Variants in ELAVL4 observed in about 807,000 individuals in gnomAD.
ELAVL4 encodes the protein ELAV-like protein 4.
Under a neutral mutation model 35.6 loss-of-function variants are expected in ELAVL4, and 1 was observed. The observed-to-expected ratio is 0.03, with a 90% CI of 0.01 to 0.13. ELAVL4 has a LOEUF of 0.13. Ranked by LOEUF, ELAVL4 falls within the 10% of genes least tolerant of loss-of-function variation. The pLI is 1.00. For synonymous variants in ELAVL4, 156 were observed against 171.0 expected (o/e 0.91, Z 0.69); for missense variants, 267 against 464.9 (o/e 0.57, Z 3.91).
exon 1 of ELAVL4, chr1:50,048,166 T>C (rs1310962728): frequency 1.3e-6 from 2 of 1,522,404 alleles, no homozygotes; most frequent in Non-Finnish European, 1.8e-6. Flanking sequence ...GCGGGGAAGA[T>C]GCGCCTCAAG....
chr1:50,148,562 G>T (rs993530409), intron 2 of ELAVL4, among the ~76,000 whole-genome samples: 1 of 152,110 alleles, frequency 6.6e-6, no homozygotes. Flanking sequence ...TTCCAATTGG[G>T]AAAGGACACT....
intron 1 of ELAVL4, among the ~76,000 whole-genome samples, chr1:50,119,086 AAGAAAG>A (rs1274828557): frequency 4.6e-5 from 6 of 129,076 alleles, no homozygotes; most frequent in Admixed American, 2.3e-4. Context: ...GAAAGAAAGA[AAGAAAG>A]AAAAAGAAAA....
chr1:50,097,464 G>A (rs1277886599), intron 1 of ELAVL4, among the ~76,000 whole-genome samples: 2 of 152,142 alleles, frequency 1.3e-5, no homozygotes, highest in Non-Finnish European at 2.9e-5. Flanking sequence ...AGAGACTTCA[G>A]GAATCATCTA....
intron 1 of ELAVL4, among the ~76,000 whole-genome samples, chr1:50,049,150 TG>T (rs1291590653): frequency 6.6e-6 from 1 of 152,214 alleles, no homozygotes; most frequent in Non-Finnish European, 1.5e-5. Context: ...ATCTTCCCAC[TG>T]GGGACTTAAA....
At chr1:50,165,752 A>ATG (rs1677742889) in intron 2 of ELAVL4, among the ~76,000 whole-genome samples, 1 of 31,100 alleles carries the variant, frequency 3.2e-5, no homozygotes, top group South Asian at 9.6e-4. Flanking sequence ...ATATACATAT[A>ATG]TGTGTATATG....
intron 1 of ELAVL4, among the ~76,000 whole-genome samples, chr1:50,068,482 G>A (rs1472993700): frequency 6.6e-6 from 1 of 152,148 alleles, no homozygotes; most frequent in African/African-American, 2.4e-5. Context: ...AGGGCTTCTG[G>A]CACACTGTTG....
intron 1 of ELAVL4, among the ~76,000 whole-genome samples, chr1:50,114,351 G>T (rs1291860434): frequency 6.6e-6 from 1 of 151,960 alleles, no homozygotes; most frequent in Non-Finnish European, 1.5e-5. Flanking sequence ...GCTTTGCTTT[G>T]TAAGTTGGTG....
intron 3 of ELAVL4, among the ~76,000 whole-genome samples, chr1:50,188,366 G>C (rs1055738497): frequency 2.6e-5 from 4 of 152,094 alleles, no homozygotes; most frequent in Non-Finnish European, 4.4e-5. Context: ...TTGCAGTTTT[G>C]TGAACAGAAT....
At chr1:50,127,336 A>C (rs1670109851) in intron 1 of ELAVL4, among the ~76,000 whole-genome samples, 1 of 152,162 alleles carries the variant, frequency 6.6e-6, no homozygotes, top group East Asian at 1.9e-4. Context: ...GTAAAAAGCG[A>C]CTCAATATAG....
At chr1:50,112,732 A>G (rs1234740330) in intron 1 of ELAVL4, among the ~76,000 whole-genome samples, 5 of 152,124 alleles carry the variant, frequency 3.3e-5, no homozygotes, top group Non-Finnish European at 5.9e-5. Flanking sequence ...TTAACCATTC[A>G]TTTGTGATCT....
Position 50,048,214 on chromosome 1 carries a change from C to G in ELAVL4, c.18+32C>G, listed in dbSNP as rs961105054. The stretch of plus-strand genomic sequence containing the variant: ...GCGCCTCGGCGCAGGCCCCGCACCC[C>G]CGACTCTGCCCGCCCTCTGTTACGG... On this transcript the variant is annotated intron_variant, in intron 1 of 6. Transcript: ENST00000448907. 5.3e-6 allele frequency: 8 copies of G among 1,501,814 alleles called. No homozygotes were observed. The African/African-American group carries it at 1.2e-4, about 22-fold the overall frequency. The allele number at this position is 1,501,814 out of a possible 1,614,324, so 93.0% of individuals were successfully genotyped here.
At chr1:50,066,720 A>G (rs1664281391) in intron 1 of ELAVL4, among the ~76,000 whole-genome samples, 1 of 152,188 alleles carries the variant, frequency 6.6e-6, no homozygotes, top group Non-Finnish European at 1.5e-5. Context: ...AGTTTTGGAT[A>G]CACTGAAAAT....
intron 1 of ELAVL4, among the ~76,000 whole-genome samples, chr1:50,110,908 AGAG>A (rs1266882753): frequency 1.3e-5 from 2 of 152,036 alleles, no homozygotes; most frequent in African/African-American, 2.4e-5. Flanking sequence ...GGAAACGAAC[AGAG>A]GAGAAGCCGA....
intron 3 of ELAVL4, among the ~76,000 whole-genome samples, chr1:50,185,901 A>G (rs1252702735): frequency 1.3e-5 from 2 of 152,202 alleles, no homozygotes; most frequent in African/African-American, 4.8e-5. Flanking sequence ...AGGAGCCAGG[A>G]GTTGCAGTCT....
chr1:50,066,296 A>G (rs978169882), intron 1 of ELAVL4, among the ~76,000 whole-genome samples: 4 of 152,202 alleles, frequency 2.6e-5, no homozygotes, highest in Non-Finnish European at 4.4e-5. Context: ...GCTAGATACT[A>G]TCTTAGGCAC....
At chr1:50,154,099 ACT>A (rs1419899947) in intron 2 of ELAVL4, among the ~76,000 whole-genome samples, 1 of 152,206 alleles carries the variant, frequency 6.6e-6, no homozygotes, top group Admixed American at 6.5e-5. Context: ...AGGCAGGACT[ACT>A]CTGTCGGGTA....
At chr1:50,056,105 G>T (rs923265292) in intron 1 of ELAVL4, among the ~76,000 whole-genome samples, 1 of 152,110 alleles carries the variant, frequency 6.6e-6, no homozygotes, top group Non-Finnish European at 1.5e-5. Flanking sequence ...ATTTCTGATA[G>T]TAAAGGTCTT....
intron 1 of ELAVL4, among the ~76,000 whole-genome samples, chr1:50,070,302 T>G (rs1664452162): frequency 6.6e-6 from 1 of 152,222 alleles, no homozygotes; most frequent in Non-Finnish European, 1.5e-5. Flanking sequence ...AATCCTTATT[T>G]GGATTCCCAC....
chr1:50,163,707 C>T (rs578260673), intron 2 of ELAVL4, among the ~76,000 whole-genome samples: 1 of 152,138 alleles, frequency 6.6e-6, no homozygotes, highest in African/African-American at 2.4e-5. Flanking sequence ...ATGCCTGTAA[C>T]CCCAGCTACT....
Sources: allele counts gnomAD v4.1 joint callset (sites outside exome capture counted in the v4.1 genomes callset), GRCh38; gene constraint gnomAD v4.1.1; transcripts MANE v1.5; gene names NCBI Gene and HGNC (gene_info 2026-07-23, HGNC 2026-07-21).